AGBL1: variants seen among roughly 807,000 people sequenced by gnomAD.
The protein encoded by AGBL1 is AGBL carboxypeptidase 1, also known as cytosolic carboxypeptidase 4.
A neutral mutation model predicts 118.9 loss-of-function variants in AGBL1; 130 were observed. That is an observed-to-expected ratio of 1.09 (90% confidence interval 0.95 to 1.26). AGBL1 has a LOEUF of 1.26. Ranked by LOEUF, AGBL1 falls within the 50% of genes most tolerant of loss-of-function variation. AGBL1 has a pLI of 0.00. For synonymous variants in AGBL1, 555 were observed against 478.9 expected (o/e 1.16, Z -2.08); for missense variants, 1,584 against 1,298.1 (o/e 1.22, Z -3.38).
chr15:86,167,906 AG>A (rs2077364224), intron 5 of AGBL1, among the ~76,000 whole-genome samples: 1 of 152,198 alleles, frequency 6.6e-6, no homozygotes, highest in African/African-American at 2.4e-5. Context: ...TCTTCAACAA[AG>A]CTAATGAGAA....
chr15:86,466,848 G>C (rs1218700029), intron 18 of AGBL1, among the ~76,000 whole-genome samples: 1 of 152,212 alleles, frequency 6.6e-6, no homozygotes, highest in Non-Finnish European at 1.5e-5. Context: ...AAAAATTGCT[G>C]CCTGCTTCTT....
At chr15:86,706,498 C>A (rs762327583) in intron 22 of AGBL1, among the ~76,000 whole-genome samples, 2 of 152,048 alleles carry the variant, frequency 1.3e-5, no homozygotes, top group Non-Finnish European at 2.9e-5. Context: ...CTCCCACAAC[C>A]TTGCACTCAT....
chr15:86,545,152 G>A (rs1208013026), intron 19 of AGBL1, among the ~76,000 whole-genome samples: 1 of 152,168 alleles, frequency 6.6e-6, no homozygotes, highest in Non-Finnish European at 1.5e-5. Context: ...TCTACCACAA[G>A]AGTAGCATGT....
At chr15:86,721,389 A>C (rs1273572497) in intron 22 of AGBL1, among the ~76,000 whole-genome samples, 4 of 152,236 alleles carry the variant, frequency 2.6e-5, no homozygotes, top group Admixed American at 6.5e-5. Flanking sequence ...ACAGAACCAA[A>C]GACAAAAACC....
At chr15:86,856,808 C>T (rs2079488726) in intron 22 of AGBL1, among the ~76,000 whole-genome samples, 1 of 152,230 alleles carries the variant, frequency 6.6e-6, no homozygotes, top group Admixed American at 6.5e-5. Context: ...TTTGTTTCCT[C>T]TTATTCTTGC....
intron 21 of AGBL1, among the ~76,000 whole-genome samples, chr15:86,623,218 G>T (rs1457106161): frequency 1.3e-5 from 2 of 151,288 alleles, no homozygotes; most frequent in African/African-American, 4.9e-5. Flanking sequence ...GGACAGTCAG[G>T]GTGTGTAAGG....
At chr15:86,849,700 G>T (rs2079377274) in intron 22 of AGBL1, among the ~76,000 whole-genome samples, 1 of 152,178 alleles carries the variant, frequency 6.6e-6, no homozygotes, top group Non-Finnish European at 1.5e-5. Flanking sequence ...GAAGTGACAG[G>T]CATGGCACAG....
chr15:86,487,009 C>G (rs533054398), intron 18 of AGBL1, among the ~76,000 whole-genome samples: 2 of 152,122 alleles, frequency 1.3e-5, no homozygotes, highest in South Asian at 2.1e-4. Context: ...CATAGGTGTC[C>G]AACGGTGCCG....
chr15:86,296,374 G>C (rs2079641612), intron 17 of AGBL1: 1 of 152,184 alleles, frequency 6.6e-6, no homozygotes, highest in Non-Finnish European at 1.5e-5. Context: ...AGCCTTCCCT[G>C]GTGAAGATAC....
chr15:86,938,093 C>T (rs1162514235), intron 23 of AGBL1, among the ~76,000 whole-genome samples: 1 of 152,116 alleles, frequency 6.6e-6, no homozygotes, highest in African/African-American at 2.4e-5. Flanking sequence ...AGCAACATAT[C>T]CATTCCAAGG....
At chr15:86,090,586 C>G (rs1437983952) in intron 1 of AGBL1, among the ~76,000 whole-genome samples, 1 of 152,140 alleles carries the variant, frequency 6.6e-6, no homozygotes, top group African/African-American at 2.4e-5. Flanking sequence ...ATAGTTATAT[C>G]ATTTTTTAGT....
At chr15:86,849,906 G>T (rs1596549270) in intron 22 of AGBL1, among the ~76,000 whole-genome samples, 1 of 152,214 alleles carries the variant, frequency 6.6e-6, no homozygotes, top group East Asian at 1.9e-4. Flanking sequence ...TTAATGAGAA[G>T]TCATAGAAGG....
intron 18 of AGBL1, among the ~76,000 whole-genome samples, chr15:86,471,509 T>G (rs990222261): frequency 1.3e-5 from 2 of 151,982 alleles, no homozygotes; most frequent in African/African-American, 4.8e-5. Context: ...TTTTTTTTTT[T>G]TTTTTTATAG....
At chr15:86,499,805 A>T (rs1195047838) in intron 18 of AGBL1, among the ~76,000 whole-genome samples, 1 of 151,910 alleles carries the variant, frequency 6.6e-6, no homozygotes, top group East Asian at 1.9e-4. Flanking sequence ...GAAAGTAGTG[A>T]CCTGGTTAGC....
rs188159235 is a variant in AGBL1 at position 87,013,789 on chromosome 15, T to G, written c.3324-15036T>G. 4.2e-3 allele frequency among the ~76,000 whole-genome samples: 535 copies of G among 128,270 alleles called. 3 individuals carry two copies. The highest frequency in any genetic ancestry group is 9.5e-3 in the Middle Eastern group (2 of 210). 84.2% of individuals were successfully genotyped at this position (128,270 alleles called of 152,430 possible). A position where few individuals can be genotyped will look rare whatever the true frequency, so the allele number is the denominator to read the frequency against. On this transcript the variant is annotated intron_variant, in intron 24 of 24. Transcript: ENST00000441037. ...GTTCACTCAATGAGACATTAGTGAC[T>G]TGTTTAAATTTAACAAAATGGAGTT...
chr15:86,160,948 G>C (rs1475415990), intron 5 of AGBL1, among the ~76,000 whole-genome samples: 1 of 152,110 alleles, frequency 6.6e-6, no homozygotes, highest in Non-Finnish European at 1.5e-5. Flanking sequence ...TGGGGTAGCG[G>C]GGAGAAATCA....
chr15:86,849,517 CTT>C (rs68185029), intron 22 of AGBL1, among the ~76,000 whole-genome samples: 13 of 136,772 alleles, frequency 9.5e-5, no homozygotes, highest in Non-Finnish European at 1.1e-4. Flanking sequence ...TTCTTTCTTT[CTT>C]TTTTTTTTTT....
intron 22 of AGBL1, among the ~76,000 whole-genome samples, chr15:86,884,081 C>T (rs957292397): frequency 1.3e-5 from 2 of 152,190 alleles, no homozygotes; most frequent in African/African-American, 4.8e-5. Flanking sequence ...TTTCTTTCCT[C>T]ATTAAGTTGA....
intron 24 of AGBL1, among the ~76,000 whole-genome samples, chr15:86,993,906 G>A (rs747031630): frequency 1.3e-5 from 2 of 152,074 alleles, no homozygotes; most frequent in Non-Finnish European, 2.9e-5. Flanking sequence ...CCTCTCGAAG[G>A]GTAGGGGTAA....
Sources: allele counts gnomAD v4.1 joint callset (sites outside exome capture counted in the v4.1 genomes callset), GRCh38; gene constraint gnomAD v4.1.1; transcripts MANE v1.5; gene names NCBI Gene and HGNC (gene_info 2026-07-23, HGNC 2026-07-21).